The following SOX5 variants were observed in gnomAD, a reference collection of about 807,000 sequenced individuals.
The protein encoded by SOX5 is SRY-box transcription factor 5.
Under a neutral mutation model 92.0 loss-of-function variants are expected in SOX5, and 9 were observed. That is an observed-to-expected ratio of 0.10 (90% CI 0.06 to 0.17). The LOEUF (loss-of-function observed/expected upper bound fraction) is 0.17. SOX5 is among the 10% of genes least tolerant of loss of function. SOX5 has a pLI of 1.00. For missense variants in SOX5, 642 were observed against 944.5 expected (o/e 0.68, Z 4.20); for synonymous variants, 344 against 336.3 (o/e 1.02, Z -0.25).
intron 4 of SOX5, among the ~76,000 whole-genome samples, chr12:24,157,664 C>T (rs1289513696): frequency 1.3e-5 from 2 of 152,080 alleles, no homozygotes; most frequent in Admixed American, 6.6e-5. Flanking sequence ...ATTAGACAAC[C>T]TGTCCTAATA....
intron 4 of SOX5, among the ~76,000 whole-genome samples, chr12:24,191,756 A>G (rs10771069): frequency 0.89 from 135,889 of 152,214 alleles, 60,804 homozygotes; most frequent in East Asian, 0.98. Flanking sequence ...AGATGGCAGG[A>G]AAGGATTAAA....
chr12:23,960,081 T>C (rs1044247825), intron 4 of SOX5, among the ~76,000 whole-genome samples: 11 of 152,108 alleles, frequency 7.2e-5, no homozygotes, highest in Non-Finnish European at 1.6e-4. Context: ...AACCAGCATA[T>C]ACCAAGCAGG....
At chr12:24,142,276 G>C (rs996498236) in intron 4 of SOX5, among the ~76,000 whole-genome samples, 1 of 152,124 alleles carries the variant, frequency 6.6e-6, no homozygotes, top group Non-Finnish European at 1.5e-5. Context: ...TATTTCTTGA[G>C]ATTGGCCTTA....
intron 4 of SOX5, among the ~76,000 whole-genome samples, chr12:24,023,324 G>A (rs976336421): frequency 2.9e-4 from 44 of 152,056 alleles, no homozygotes; most frequent in Non-Finnish European, 5.9e-4. Flanking sequence ...CCCAAAACCA[G>A]TATTACTTGA....
chr12:23,991,842 C>T (rs1434472004), intron 4 of SOX5, among the ~76,000 whole-genome samples: 1 of 151,636 alleles, frequency 6.6e-6, no homozygotes, highest in East Asian at 1.9e-4. Flanking sequence ...GAAAAGAATA[C>T]TTCCTAGCCA....
chr12:24,323,827 A>C (rs61382420), intron 2 of SOX5, among the ~76,000 whole-genome samples: 1,875 of 152,220 alleles, frequency 0.012, 37 homozygotes, highest in African/African-American at 0.043. Flanking sequence ...AGACCAATAA[A>C]GTTTATTTAT....
chr12:24,503,284 C>A (rs1001577759), intron 1 of SOX5, among the ~76,000 whole-genome samples: 1 of 152,130 alleles, frequency 6.6e-6, no homozygotes, highest in Non-Finnish European at 1.5e-5. Flanking sequence ...GTAATTCCAA[C>A]AAATAGGGAG....
At chr12:23,647,635 C>T (rs567099254) in intron 7 of SOX5, among the ~76,000 whole-genome samples, 2 of 152,346 alleles carry the variant, frequency 1.3e-5, no homozygotes, top group South Asian at 2.1e-4. Context: ...AGATAACTTG[C>T]TGCAGCTTCT....
intron 11 of SOX5, among the ~76,000 whole-genome samples, chr12:23,549,819 C>T (rs1009371939): frequency 6.6e-6 from 1 of 151,762 alleles, no homozygotes; most frequent in African/African-American, 2.4e-5. Context: ...CAAGGAGAAA[C>T]ATTAGGTTAA....
chr12:23,971,338 G>C (rs969732003), intron 4 of SOX5, among the ~76,000 whole-genome samples: 11 of 151,392 alleles, frequency 7.3e-5, no homozygotes, highest in Non-Finnish European at 1.6e-4. Flanking sequence ...TAGCCAGGAA[G>C]GTCTAGATCT....
At chr12:24,097,460 T>C (rs1945563385) in intron 4 of SOX5, among the ~76,000 whole-genome samples, 1 of 151,736 alleles carries the variant, frequency 6.6e-6, no homozygotes. Flanking sequence ...TCATGAACAT[T>C]TACCCCTATA....
chr12:24,029,490 G>C (rs780760808), intron 4 of SOX5, among the ~76,000 whole-genome samples: 1 of 151,674 alleles, frequency 6.6e-6, no homozygotes, highest in African/African-American at 2.4e-5. Flanking sequence ...ACCCAGGATG[G>C]TTTCAAACAT....
intron 1 of SOX5, among the ~76,000 whole-genome samples, chr12:24,445,657 AAC>A (rs1458060129): frequency 6.6e-6 from 1 of 152,246 alleles, no homozygotes; most frequent in Non-Finnish European, 1.5e-5. Flanking sequence ...TGAAATGTGT[AAC>A]AGTCATATTC....
chr12:24,109,532 C>G (rs988315421), intron 4 of SOX5, among the ~76,000 whole-genome samples: 2 of 152,144 alleles, frequency 1.3e-5, no homozygotes, highest in Non-Finnish European at 2.9e-5. Context: ...TCTTGTACAA[C>G]ACTTCTGAAA....
intron 8 of SOX5, among the ~76,000 whole-genome samples, chr12:23,607,985 C>T (rs1204742971): frequency 2.0e-5 from 3 of 151,634 alleles, no homozygotes; most frequent in Non-Finnish European, 4.4e-5. Context: ...AAAGGCTGAG[C>T]TGAGCCAGGT....
chr12:24,490,711 G>A (rs1166833351), intron 1 of SOX5, among the ~76,000 whole-genome samples: 1 of 152,020 alleles, frequency 6.6e-6, no homozygotes, highest in Admixed American at 6.5e-5. Context: ...TGGGTTGGAG[G>A]CACATGAAGA....
intron 3 of SOX5, among the ~76,000 whole-genome samples, chr12:23,823,500 G>A (rs944615120): frequency 6.6e-6 from 1 of 152,148 alleles, no homozygotes; most frequent in Non-Finnish European, 1.5e-5. Flanking sequence ...AGTCTGATGG[G>A]CTTCCCTTTG....
intron 4 of SOX5, among the ~76,000 whole-genome samples, chr12:24,042,423 T>C (rs1246537463): frequency 6.6e-6 from 1 of 152,098 alleles, no homozygotes; most frequent in Admixed American, 6.5e-5. Flanking sequence ...AATCTAGAGT[T>C]CAATAATGTA....
At position 23,860,952 on chromosome 12, in the gene SOX5, TAAAAAAAAAA is replaced by T. The variant is rs71059935; in HGVS notation, c.271-14769_271-14760del. ...ATTTTGAAACACAAAGTATATTTTG[TAAAAAAAAAA>T]AAAAAAAAAAAAAAAACCCTGCCAA... On this transcript the variant is annotated intron_variant, in intron 2 of 14. Transcript: ENST00000451604. 4.6e-4 allele frequency among the ~76,000 whole-genome samples: 21 copies of T among 45,948 alleles called. No homozygotes were observed. In the South Asian group the frequency reaches 0.011, roughly 25 times the overall value. The allele number at this position is 45,948 out of a possible 152,430, so 30.1% of individuals were successfully genotyped here.
Sources: gnomAD v4.1 joint callset for allele counts (sites outside exome capture counted in the v4.1 genomes callset) on GRCh38, gnomAD v4.1.1 for gene constraint, MANE v1.5 for transcripts, NCBI Gene and HGNC (gene_info 2026-07-23, HGNC 2026-07-21) for gene names.